CC2D2A: variants seen among roughly 807,000 people sequenced by gnomAD.
CC2D2A encodes coiled-coil and C2 domain-containing protein 2A.
Under a neutral mutation model 212.9 loss-of-function variants are expected in CC2D2A, and 155 were observed. The observed-to-expected ratio is 0.73, with a 90% confidence interval of 0.64 to 0.83. The LOEUF (loss-of-function observed/expected upper bound fraction) is 0.83. Ranked by LOEUF, CC2D2A falls within the 40% of genes least tolerant of loss-of-function variation. The probability of loss-of-function intolerance (pLI) is 0.00; values close to 1 mark genes in which losing one functional copy is unlikely to be tolerated. For synonymous variants in CC2D2A, 667 were observed against 686.5 expected, an observed-to-expected ratio of 0.97 and a Z score of 0.44; for missense variants, 1,856 against 1,956.2, an observed-to-expected ratio of 0.95 and a Z score of 0.97.
At chr4:15,568,206 G>A (rs766866883) in intron 26 of CC2D2A, among the ~76,000 whole-genome samples, 19 of 152,132 alleles carry the variant, frequency 1.2e-4, no homozygotes, top group Admixed American at 3.3e-4. Context: ...TTGGTCAAAG[G>A]ATTTTAGATA....
Position 15,548,145 on chromosome 4 carries a change from G to C in CC2D2A, c.2182-2679G>C, listed in dbSNP as rs369933727. The stretch of plus-strand genomic sequence containing the variant: ...GATTTTTTTTTTTTTGGCTTTGTCA[G>C]ATAGAATCCGTTTTTTTCTCATTAA... On this transcript the variant is annotated intron_variant, in intron 17 of 36. Transcript: ENST00000424120. 1.1e-3 allele frequency among the ~76,000 whole-genome samples: 159 copies of C among 149,730 alleles called. 6 individuals carry two copies. In the South Asian group the frequency reaches 0.03, roughly 29 times the overall value.
chr4:15,532,726 A>G (rs963344940), intron 13 of CC2D2A, among the ~76,000 whole-genome samples: 1 of 152,244 alleles, frequency 6.6e-6, no homozygotes, highest in African/African-American at 2.4e-5. Context: ...AGCCAAAAAT[A>G]TTGGTAATCT....
chr4:15,511,679 G>A (rs2109008117), intron 8 of CC2D2A: 1 of 253,090 alleles, frequency 4.0e-6, no homozygotes, highest in African/African-American at 2.2e-5. Flanking sequence ...TAAATAATGT[G>A]GCTTGAGGGT....
At chr4:15,472,216 G>A (rs1456787832) in intron 1 of CC2D2A, among the ~76,000 whole-genome samples, 1 of 152,214 alleles carries the variant, frequency 6.6e-6, no homozygotes, top group Non-Finnish European at 1.5e-5. Context: ...GAAAAATCAT[G>A]TAAATTGTCA....
intron 32 of CC2D2A, among the ~76,000 whole-genome samples, chr4:15,588,612 AG>A (rs1179524817): frequency 6.6e-6 from 1 of 152,214 alleles, no homozygotes; most frequent in Non-Finnish European, 1.5e-5. Flanking sequence ...AGTTGCTGCA[AG>A]GCAGGTAATA....
intron 6 of CC2D2A, among the ~76,000 whole-genome samples, chr4:15,504,639 G>C (rs552212037): frequency 1.3e-5 from 2 of 152,144 alleles, no homozygotes; most frequent in Non-Finnish European, 2.9e-5. Flanking sequence ...GCTGGAAGTT[G>C]TAGAAGTAAA....
rs1713616839 is a variant in CC2D2A, at chr4:15,470,075, C to T, written c.-19+18C>T. 3 of 152,278 alleles carry T rather than the reference C, an allele frequency of 2.0e-5. No homozygotes were observed. The East Asian group carries it at 5.8e-4, about 29-fold the overall frequency. 9.4% of individuals were successfully genotyped at this position (152,278 alleles called of 1,614,324 possible). A position where few individuals can be genotyped will look rare whatever the true frequency, so the allele number is the denominator to read the frequency against. On this transcript the variant is annotated intron_variant, in intron 1 of 36. Transcript: ENST00000424120. ...TTCTTAAGGTAAATCAGTCCCTAAC[C>T]GGACTTTAGGCTGCAACAGTGATTT...
At chr4:15,564,761 T>G (rs1336948001) in intron 24 of CC2D2A, among the ~76,000 whole-genome samples, 17 of 152,164 alleles carry the variant, frequency 1.1e-4, no homozygotes, top group Admixed American at 1.1e-3. Flanking sequence ...CACTGCAACC[T>G]CGACCTCCTG....
At chr4:15,481,562 T>C in intron 4 of CC2D2A, 1 of 187,282 alleles carries the variant, frequency 5.3e-6, no homozygotes, top group South Asian at 9.6e-5. Flanking sequence ...TCTCTCTTGC[T>C]CCCTCTCTCA....
chr4:15,581,912 T>C (rs1276591744), intron 30 of CC2D2A, among the ~76,000 whole-genome samples: 3 of 151,866 alleles, frequency 2.0e-5, no homozygotes, highest in South Asian at 4.1e-4. Context: ...CCAAGAAACA[T>C]GAACATACAA....
At chr4:15,483,949 C>T (rs1003844713) in intron 4 of CC2D2A, among the ~76,000 whole-genome samples, 2 of 152,238 alleles carry the variant, frequency 1.3e-5, no homozygotes, top group African/African-American at 2.4e-5. Context: ...ACCTATCTTA[C>T]TCCCTTGGGC....
At position 15,574,133 on chromosome 4, in the gene CC2D2A, T is replaced by A. The variant is rs1720291163; in HGVS notation, c.3595-17T>A. ...AAAAAGCATCAGGATGTTTACCAAG[T>A]CATATTTTCTTCACAGATTGATGGA... On this transcript the variant is annotated splice_polypyrimidine_tract_variant and intron_variant, in intron 28 of 36. Coordinates refer to ENST00000424120, the MANE Select transcript of CC2D2A (RefSeq NM_001378615.1). 6.5e-7 allele frequency: 1 copy of A among 1,527,898 alleles called. No individual in the cohort carries two copies. The highest frequency in any genetic ancestry group is 8.8e-7 in the Non-Finnish European group (1 of 1,132,618). The allele number at this position is 1,527,898 out of a possible 1,614,324, so 94.6% of individuals were successfully genotyped here.
At chr4:15,517,427 G>A (rs889016362) in intron 11 of CC2D2A, among the ~76,000 whole-genome samples, 12 of 151,952 alleles carry the variant, frequency 7.9e-5, no homozygotes, top group South Asian at 6.2e-4. Flanking sequence ...TTATATAACC[G>A]GAGAGTTTCT....
At chr4:15,600,903 C>CAA (rs5856308) in intron 36 of CC2D2A, among the ~76,000 whole-genome samples, 33,069 of 91,446 alleles carry the variant, frequency 0.36, 4,679 homozygotes, top group Non-Finnish European at 0.42. Flanking sequence ...AGACCTGTCT[C>CAA]AAAAAAAAAA....
intron 29 of CC2D2A, among the ~76,000 whole-genome samples, chr4:15,577,018 A>G (rs1720445111): frequency 6.6e-6 from 1 of 152,044 alleles, no homozygotes. Flanking sequence ...TTTTTGAGAG[A>G]GGGTCTTGCT....
chr4:15,480,625 G>T, intron 3 of CC2D2A, 79 bp from the exon 4 acceptor site: 1 of 1,491,946 alleles, frequency 6.7e-7, no homozygotes, highest in Non-Finnish European at 9.0e-7. Flanking sequence ...TCCCCTCACT[G>T]GTGACCCATC....
At position 15,599,542 on chromosome 4, in the gene CC2D2A, C is replaced by G. The variant is rs1721480494; in HGVS notation, c.4510C>G (p.Leu1504Val). Residue 1504 changes from leucine to valine, a missense_variant, in exon 36 of 37, where the codon CTA becomes GTA. Physicochemically the swap from Leu to Val is conservative, Grantham distance 32 (BLOSUM62 1). Coordinates refer to ENST00000424120, the MANE Select transcript of CC2D2A (RefSeq NM_001378615.1). ...AELQDRIEKI[L>V]KEKIMDWRPR... ...TTTTGTGAACAGGATTGAAAAAATA[C>G]TAAAAGAAAAAATCATGGACTGGAG... is the stretch of plus-strand genomic sequence containing the variant. 6.4e-7 allele frequency: 1 copy of G among 1,560,026 alleles called. No homozygotes were observed. Among genetic ancestry groups the G allele is most frequent in the South Asian group, 1.2e-5 (1 of 82,948 alleles).
chr4:15,530,201 G>C (rs1414837797), intron 13 of CC2D2A, among the ~76,000 whole-genome samples: 1 of 152,086 alleles, frequency 6.6e-6, no homozygotes, highest in Non-Finnish European at 1.5e-5. Context: ...TAGATCTCCT[G>C]ACCTCGTGAT....
At chr4:15,529,140 C>T (rs1717676681) in intron 13 of CC2D2A, among the ~76,000 whole-genome samples, 1 of 152,222 alleles carries the variant, frequency 6.6e-6, no homozygotes, top group African/African-American at 2.4e-5. Flanking sequence ...GACACTGTGG[C>T]TCATGCCTGT....
Sources: gnomAD v4.1 joint callset for allele counts (sites outside exome capture counted in the v4.1 genomes callset) on GRCh38, gnomAD v4.1.1 for gene constraint, MANE v1.5 for transcripts, NCBI Gene and HGNC (gene_info 2026-07-23, HGNC 2026-07-21) for gene names.